Variants in APP observed in about 807,000 individuals in gnomAD.
The protein encoded by APP is amyloid-beta precursor protein.
In APP, 31 loss-of-function variants were observed where a neutral mutation model predicts 101.4. The observed-to-expected ratio is 0.31, with a 90% CI of 0.23 to 0.41. The LOEUF (loss-of-function observed/expected upper bound fraction) is 0.41. Among genes scored for constraint, APP ranks in the 10% least tolerant of loss-of-function variants. The pLI is 1.00. For synonymous variants in APP, 366 were observed against 364.4 expected (o/e 1.00, Z -0.05); for missense variants, 839 against 1,003.7 (o/e 0.84, Z 2.22).
chr21:26,070,711 G>A lies in APP; in HGVS notation c.356-17363C>T, dbSNP rs866689150. Among the ~76,000 whole-genome samples, 4 of 152,142 alleles carry A rather than the reference G, an allele frequency of 2.6e-5. No individual in the cohort carries two copies. In the South Asian group the frequency reaches 8.3e-4, roughly 31 times the overall value. ...AAAACACCCAGAAAAATCTAAGGTT[G>A]AAGAACATATATAATTTGAGACTTT... is the stretch of plus-strand genomic sequence containing the variant. On this transcript the variant is annotated intron_variant, in intron 3 of 17. Transcript: ENST00000346798.
Position 26,057,854 on chromosome 21 carries a change from G to C in APP, c.356-4506C>G, listed in dbSNP as rs45523331. Among the ~76,000 whole-genome samples, 18 of 152,270 alleles carry C rather than the reference G, an allele frequency of 1.2e-4. No individual in the cohort carries two copies. The East Asian group carries it at 3.5e-3, about 29-fold the overall frequency. On this transcript the variant is annotated intron_variant, in intron 3 of 17. Coordinates refer to ENST00000346798, the MANE Select transcript of APP (RefSeq NM_000484.4). Reference sequence around the variant, plus strand: ...ATTTCCTTTGGCTTTTACAAAAGTAGTTCACTTTTAGACTGTGAAGTACTT... The same window carrying C: ...ATTTCCTTTGGCTTTTACAAAAGTACTTCACTTTTAGACTGTGAAGTACTT...
intron 3 of APP, among the ~76,000 whole-genome samples, chr21:26,057,499 A>ACC (rs34188773): frequency 1.4e-4 from 21 of 149,286 alleles, no homozygotes; most frequent in African/African-American, 5.3e-4. Context: ...ACACACACAC[A>ACC]CCCAACTGAA....
intron 14 of APP, among the ~76,000 whole-genome samples, chr21:25,910,480 TAAAGAA>T (rs745361912): frequency 2.0e-5 from 3 of 152,186 alleles, no homozygotes; most frequent in Non-Finnish European, 4.4e-5. Flanking sequence ...GCTGCTTTGA[TAAAGAA>T]AATCAGGTAA....
intron 6 of APP, among the ~76,000 whole-genome samples, chr21:26,014,374 T>G (rs1451827747): frequency 2.6e-5 from 4 of 152,214 alleles, no homozygotes; most frequent in African/African-American, 9.7e-5. Flanking sequence ...TTGTTTCTTC[T>G]CCCCTTGAGA....
chr21:26,072,556 T>TA (rs1315780959), intron 3 of APP, among the ~76,000 whole-genome samples: 4 of 152,220 alleles, frequency 2.6e-5, no homozygotes, highest in Non-Finnish European at 5.9e-5. Context: ...TTTAAATTGT[T>TA]AAAAATGAAT....
chr21:26,141,929 C>A (rs1014216918), intron 1 of APP, among the ~76,000 whole-genome samples: 3 of 152,200 alleles, frequency 2.0e-5, no homozygotes, highest in African/African-American at 7.2e-5. Flanking sequence ...GTAGCCAACA[C>A]CCGGTACATA....
intron 15 of APP, among the ~76,000 whole-genome samples, chr21:25,898,584 T>G (rs746104250): frequency 8.5e-5 from 13 of 152,222 alleles, no homozygotes; most frequent in African/African-American, 3.1e-4. Context: ...TGTTTGAACA[T>G]AGAGGAATGT....
intron 1 of APP, among the ~76,000 whole-genome samples, chr21:26,145,856 T>C (rs948224912): frequency 1.3e-5 from 2 of 152,254 alleles, no homozygotes; most frequent in Non-Finnish European, 2.9e-5. Context: ...GATATTTCTA[T>C]ACATCAGTAT....
chr21:26,113,811 C>A (rs148004761), intron 1 of APP, among the ~76,000 whole-genome samples: 1 of 152,310 alleles, frequency 6.6e-6, no homozygotes, highest in East Asian at 1.9e-4. Context: ...AATTCATTGT[C>A]TTGATCTTAG....
intron 13 of APP, among the ~76,000 whole-genome samples, chr21:25,917,905 C>T (rs1308729195): frequency 7.0e-6 from 1 of 142,590 alleles, no homozygotes; most frequent in Non-Finnish European, 1.5e-5. Context: ...TGTATGTGGC[C>T]AACAAACATA....
intron 6 of APP, among the ~76,000 whole-genome samples, chr21:26,009,128 G>A (rs1350821818): frequency 1.3e-5 from 2 of 152,206 alleles, no homozygotes; most frequent in Non-Finnish European, 2.9e-5. Context: ...CAAAACGTGA[G>A]ACATAAGATT....
At chr21:26,007,310 A>T (rs114233663) in intron 6 of APP, among the ~76,000 whole-genome samples, 23,911 of 149,212 alleles carry the variant, frequency 0.16, 2,336 homozygotes, top group South Asian at 0.26. Context: ...ATTAAAATCC[A>T]CTAAGTATAC....
Position 26,130,978 on chromosome 21 carries a change from C to T in APP, c.58-18832G>A, listed in dbSNP as rs553603661. On this transcript the variant is annotated intron_variant, in intron 1 of 17. Coordinates refer to ENST00000346798, the MANE Select transcript of APP (RefSeq NM_000484.4). ...GATGCAGTGGCTCCCGCCTGTAATC[C>T]CAGCACTTTGGGAGGCCGAGGCAGG... Among the ~76,000 whole-genome samples the T allele has an allele frequency of 2.6e-5, 4 of 152,122 alleles. No individual in the cohort carries two copies. The East Asian group carries it at 7.7e-4, about 29-fold the overall frequency.
At chr21:25,972,178 T>A (rs2042056110) in intron 11 of APP, among the ~76,000 whole-genome samples, 1 of 152,112 alleles carries the variant, frequency 6.6e-6, no homozygotes, top group African/African-American at 2.4e-5. Flanking sequence ...GTGTTGGGGG[T>A]AGCCCAGGTT....
intron 4 of APP, 88 bp from the exon 5 acceptor site, chr21:26,051,281 C>T (rs2045828944): frequency 7.6e-7 from 1 of 1,321,666 alleles, no homozygotes; most frequent in African/African-American, 1.5e-5. Flanking sequence ...AACATGCAGA[C>T]CCAATATATT....
chr21:26,170,221 G>A (rs543643793), intron 1 of APP, among the ~76,000 whole-genome samples: 20 of 152,214 alleles, frequency 1.3e-4, no homozygotes, highest in South Asian at 4.1e-4. Context: ...CTTCCCCCCT[G>A]TCTGAATGTC....
chr21:26,123,187 C>A (rs1039922945), intron 1 of APP, among the ~76,000 whole-genome samples: 11 of 152,100 alleles, frequency 7.2e-5, no homozygotes, highest in African/African-American at 2.7e-4. Context: ...TACATTATAT[C>A]GTCTGGTTTA....
At chr21:26,133,720 C>T (rs1400749373) in intron 1 of APP, among the ~76,000 whole-genome samples, 4 of 152,006 alleles carry the variant, frequency 2.6e-5, no homozygotes, top group Non-Finnish European at 5.9e-5. Context: ...TGCAGTGAGC[C>T]GAGATCGCAC....
In APP at chr21:25,881,631, G is replaced by T; in HGVS notation, c.*39C>A. On this transcript the variant is annotated 3_prime_UTR_variant, in exon 18 of 18. Coordinates refer to ENST00000346798, the MANE Select transcript of APP (RefSeq NM_000484.4). ...GACACCGATGGGTAGTGAAGCAATG[G>T]TTTTGCTGTCCAACTTCAGAGGCTG... 1.9e-6 allele frequency: 3 copies of T among 1,585,668 alleles called. No individual in the cohort carries two copies. The highest frequency in any genetic ancestry group is 1.3e-5 in the African/African-American group (1 of 74,424).
Sources: allele counts gnomAD v4.1 joint callset (sites outside exome capture counted in the v4.1 genomes callset), GRCh38; gene constraint gnomAD v4.1.1; transcripts MANE v1.5; gene names NCBI Gene and HGNC (gene_info 2026-07-23, HGNC 2026-07-21).